Variants in VPS35L observed in about 807,000 individuals in gnomAD.
The protein encoded by VPS35L is VPS35 endosomal protein sorting factor like, also known as VPS35 endosomal protein-sorting factor-like.
In VPS35L, 83 loss-of-function variants were observed where a neutral mutation model predicts 133.0. The observed-to-expected ratio is 0.62, with a 90% CI of 0.52 to 0.75. The LOEUF (loss-of-function observed/expected upper bound fraction) is 0.75, where lower values mean the gene tolerates loss of function less well. Ranked by LOEUF, VPS35L falls within the 30% of genes least tolerant of loss-of-function variation. The pLI is 0.00. For synonymous variants in VPS35L, 423 were observed against 449.9 expected, an observed-to-expected ratio of 0.94 and a Z score of 0.76; for missense variants, 1,083 against 1,206.8, an observed-to-expected ratio of 0.90 and a Z score of 1.52.
intron 27 of VPS35L, among the ~76,000 whole-genome samples, chr16:19,679,475 AT>A (rs1567481417): frequency 0.046 from 4,252 of 93,360 alleles, 221 homozygotes; most frequent in African/African-American, 0.22. Context: ...ACAATTATTT[AT>A]TTATTTATTT....
intron 25 of VPS35L, among the ~76,000 whole-genome samples, chr16:19,650,750 A>G (rs1329208322): frequency 6.6e-6 from 1 of 152,160 alleles, no homozygotes; most frequent in African/African-American, 2.4e-5. Flanking sequence ...TTTCTCTAAT[A>G]TACTAATATA....
At chr16:19,676,885 G>T (rs1206965394) in intron 27 of VPS35L, among the ~76,000 whole-genome samples, 1 of 152,036 alleles carries the variant, frequency 6.6e-6, no homozygotes, top group Non-Finnish European at 1.5e-5. Context: ...GCCAACTACA[G>T]TTGGCACTGG....
Position 19,586,634 on chromosome 16 carries a change from C to T in VPS35L, c.639+4981C>T, listed in dbSNP as rs118111268. 3.0e-3 allele frequency among the ~76,000 whole-genome samples: 455 copies of T among 152,310 alleles called. 6 individuals carry two copies. The highest frequency in any genetic ancestry group is 0.029 in the East Asian group (148 of 5,184). On this transcript the variant is annotated intron_variant, in intron 7 of 30. Transcript: ENST00000417362. The stretch of plus-strand genomic sequence containing the variant: ...GGATTACAGGCGTGAGCCACCGTGC[C>T]CAGTCAGAAGTTTTTACTTTCAGCT...
chr16:19,666,905 TTTC>T (rs1227589105), intron 26 of VPS35L, among the ~76,000 whole-genome samples: 1 of 81,384 alleles, frequency 1.2e-5, no homozygotes, highest in Non-Finnish European at 2.5e-5. Context: ...TCTTTCTTTC[TTTC>T]TTTCTTTCTT....
rs143693887 is a variant in VPS35L at position 19,613,894 on chromosome 16, C to T, written c.1024-2220C>T. Among the ~76,000 whole-genome samples, 511 of 152,090 alleles carry T rather than the reference C, an allele frequency of 3.4e-3. 2 individuals are homozygous for T. Among genetic ancestry groups the T allele is most frequent in the Non-Finnish European group, 4.9e-3 (336 of 68,006 alleles). On this transcript the variant is annotated intron_variant, in intron 12 of 30. Coordinates refer to ENST00000417362, the MANE Select transcript of VPS35L (RefSeq NM_020314.7). ...TGGGGGGGATGAATGCTGGGCAGGC[C>T]GAAACAGCAGATGGGAATCATGAGC...
chr16:19,613,476 G>A lies in VPS35L; in HGVS notation c.1024-2638G>A, dbSNP rs1194989883. 2.0e-5 allele frequency among the ~76,000 whole-genome samples: 3 copies of A among 152,204 alleles called. No homozygotes were observed. The East Asian group carries it at 5.8e-4, about 29-fold the overall frequency. ...GCAGGCCCTCAAAGGGTGCTGTCAA[G>A]AATCAGCCTCTCCCCACATCACTCA... On this transcript the variant is annotated intron_variant, in intron 12 of 30. Transcript: ENST00000417362.
intron 26 of VPS35L, among the ~76,000 whole-genome samples, chr16:19,664,513 G>GT (rs1974596897): frequency 6.6e-6 from 1 of 151,654 alleles, no homozygotes; most frequent in African/African-American, 2.4e-5. Flanking sequence ...GGTTTTTCTG[G>GT]TTTGGGTTTT....
intron 7 of VPS35L, among the ~76,000 whole-genome samples, chr16:19,586,306 T>C (rs1971861681): frequency 6.7e-6 from 1 of 148,468 alleles, no homozygotes; most frequent in Non-Finnish European, 1.5e-5. Flanking sequence ...CTTTGAAGTG[T>C]GGAAGTATGT....
At position 19,682,277 on chromosome 16, in the gene VPS35L, T is replaced by C. The variant is rs2151618336; in HGVS notation, c.2414T>C (p.Ile805Thr). 1 of 1,614,070 alleles carries C rather than the reference T, an allele frequency of 6.2e-7. No individual in the cohort carries two copies. Among genetic ancestry groups the C allele is most frequent in the Non-Finnish European group, 8.5e-7 (1 of 1,180,028 alleles). The change falls in exon 28 of 31, where the codon ATC becomes ACC. Residue 805 changes from isoleucine (I) to threonine (T), a missense_variant. By Grantham distance (89) the Ile-to-Thr change is moderately conservative. Transcript: ENST00000417362. ...CTTGTTCGAGAGCTTCTCAACGTGA[T>C]CCAGGACTACACCTGGGAGGACAAC... is the stretch of plus-strand genomic sequence containing the variant. ...LFLVRELLNV[I>T]QDYTWEDNSD...
chr16:19,560,258 G>A (rs917749246), intron 1 of VPS35L, among the ~76,000 whole-genome samples: 2 of 152,110 alleles, frequency 1.3e-5, no homozygotes, highest in Non-Finnish European at 2.9e-5. Flanking sequence ...ATGAGGAAAC[G>A]GAGGTAAAGG....
intron 26 of VPS35L, among the ~76,000 whole-genome samples, chr16:19,656,959 C>A (rs955771416): frequency 3.9e-5 from 5 of 128,132 alleles, no homozygotes; most frequent in Non-Finnish European, 8.4e-5. Flanking sequence ...GTCAAAAGAA[C>A]TTGTTTTTTT....
intron 18 of VPS35L, among the ~76,000 whole-genome samples, chr16:19,631,875 G>A (rs560306843): frequency 6.6e-6 from 1 of 151,610 alleles, no homozygotes; most frequent in South Asian, 2.1e-4. Flanking sequence ...TGTAGAGATG[G>A]GGTCTTGCCA....
At chr16:19,589,886 C>T (rs1233621798) in intron 7 of VPS35L, among the ~76,000 whole-genome samples, 1 of 152,146 alleles carries the variant, frequency 6.6e-6, no homozygotes, top group African/African-American at 2.4e-5. Flanking sequence ...TGTCCAAGCC[C>T]AGCTCTGGGT....
At position 19,699,416 on chromosome 16, in the gene VPS35L, C is replaced by A; in HGVS notation, c.2647-86C>A. Reference sequence around the variant, plus strand: ...GGCACTGGAACTCAGGCATGACCTACCCCAGAGTCAGCACTGTCCACAGCA... The same window carrying A: ...GGCACTGGAACTCAGGCATGACCTAACCCAGAGTCAGCACTGTCCACAGCA... On this transcript the variant is annotated intron_variant, in intron 29 of 30. Coordinates refer to ENST00000417362, the MANE Select transcript of VPS35L (RefSeq NM_020314.7). The surrounding 1 kb of genome is among the most constrained non-coding windows in gnomAD (Gnocchi z 4.2). 6.6e-7 allele frequency: 1 copy of A among 1,525,030 alleles called. No individual in the cohort carries two copies. The highest frequency in any genetic ancestry group is 8.9e-7 in the Non-Finnish European group (1 of 1,119,764). 94.5% of individuals were successfully genotyped at this position (1,525,030 alleles called of 1,614,324 possible). A position where few individuals can be genotyped will look rare whatever the true frequency, so the allele number is the denominator to read the frequency against.
chr16:19,640,136 C>T lies in VPS35L; in HGVS notation c.1784+36C>T, dbSNP rs774734639. On this transcript the variant is annotated intron_variant, in intron 21 of 30. Coordinates refer to ENST00000417362, the MANE Select transcript of VPS35L (RefSeq NM_020314.7). ...CTGCGTGCAGCAGAAGCCTTGATTC[C>T]CAATGTCCTTGTGAAACCTGTTGAT... 4.5e-6 allele frequency: 7 copies of T among 1,569,100 alleles called. No individual in the cohort carries two copies. In the South Asian group the frequency reaches 7.8e-5, roughly 18 times the overall value.
intron 25 of VPS35L, among the ~76,000 whole-genome samples, chr16:19,650,743 C>T (rs1355761069): frequency 6.6e-6 from 1 of 151,906 alleles, no homozygotes; most frequent in African/African-American, 2.4e-5. Flanking sequence ...CTTTCATTTT[C>T]TCTAATATAC....
chr16:19,625,025 G>A (rs1973216523), intron 14 of VPS35L, among the ~76,000 whole-genome samples: 1 of 151,694 alleles, frequency 6.6e-6, no homozygotes, highest in Non-Finnish European at 1.5e-5. Context: ...TTAAAGATAT[G>A]TAATTGTCTT....
chr16:19,639,265 G>A lies in VPS35L; in HGVS notation c.1699-750G>A, dbSNP rs1001870788. Among the ~76,000 whole-genome samples, 2 of 152,192 alleles carry A rather than the reference G, an allele frequency of 1.3e-5. No homozygotes were observed. The highest frequency in any genetic ancestry group is 4.8e-5 in the African/African-American group (2 of 41,436). ...GAAAACTGATGCAGGAAGAGGTAGA[G>A]TAACTTGCTTACAGCCACACAGTCA... On this transcript the variant is annotated intron_variant, in intron 20 of 30. Coordinates refer to ENST00000417362, the MANE Select transcript of VPS35L (RefSeq NM_020314.7). The surrounding 1 kb of genome is among the most constrained non-coding windows in gnomAD (Gnocchi z 4.1).
intron 24 of VPS35L, 115 bp from the exon 25 acceptor site, chr16:19,650,267 C>A: frequency 2.3e-6 from 2 of 862,072 alleles, no homozygotes; most frequent in East Asian, 2.5e-5. Context: ...AGTCTTGGTC[C>A]TAGAAAGCTT....
Sources: gnomAD v4.1 joint callset for allele counts (sites outside exome capture counted in the v4.1 genomes callset) on GRCh38, gnomAD v4.1.1 for gene constraint, Gnocchi (gnomAD v3.1) non-coding constraint, MANE v1.5 for transcripts, NCBI Gene and HGNC (gene_info 2026-07-23, HGNC 2026-07-21) for gene names.